Variants in ALKBH4 observed in about 807,000 individuals in gnomAD.
The protein encoded by ALKBH4 is alpha-ketoglutarate-dependent dioxygenase alkB homolog 4.
A neutral mutation model predicts 12.1 loss-of-function variants in ALKBH4; 8 were observed. That is an observed-to-expected ratio of 0.66 (90% CI 0.39 to 1.19). The LOEUF is 1.19. Ranked by LOEUF, ALKBH4 falls within the 50% of genes most tolerant of loss-of-function variation. The pLI, the probability that ALKBH4 is intolerant of heterozygous loss-of-function variation, is 0.01. For synonymous variants in ALKBH4, 195 were observed against 191.6 expected (o/e 1.02, Z -0.15); for missense variants, 403 against 430.4 (o/e 0.94, Z 0.56).
At chr7:102,459,418 C>T in intron 2 of ALKBH4, 186 bp downstream of exon 2, 2 of 642,214 alleles carry the variant, frequency 3.1e-6, no homozygotes, top group Non-Finnish European at 5.2e-6. Flanking sequence ...CCAGGTGCAC[C>T]TCTGCCCATC....
chr7:102,458,092 T>A, intron 2 of ALKBH4, 111 bp from the exon 3 acceptor site: 1 of 1,096,170 alleles, frequency 9.1e-7, no homozygotes, highest in Non-Finnish European at 1.3e-6. Context: ...AAAAGCCCCC[T>A]GGCTTCATGG....
rs1224166360 is a variant in ALKBH4, at chr7:102,456,267, G to A, written c.*1127C>T. 6.5e-6 allele frequency: 1 copy of A among 153,276 alleles called. No individual in the cohort carries two copies. The highest frequency in any genetic ancestry group is 1.5e-5 in the Non-Finnish European group (1 of 68,086). 9.5% of individuals were successfully genotyped at this position (153,276 alleles called of 1,614,324 possible). A position where few individuals can be genotyped will look rare whatever the true frequency, so the allele number is the denominator to read the frequency against. ...TTTGTTTTCCTTTTATTTATTTTAG[G>A]GACAGGGTCTTGCTCTGTTGCCAAG... On this transcript the variant is annotated 3_prime_UTR_variant, in exon 3 of 3. Coordinates refer to ENST00000292566, the MANE Select transcript of ALKBH4 (RefSeq NM_017621.4).
At position 102,457,375 on chromosome 7, in the gene ALKBH4, C is replaced by A. The variant is rs377564153; in HGVS notation, c.*19G>T. On this transcript the variant is annotated 3_prime_UTR_variant, in exon 3 of 3. Coordinates refer to ENST00000292566, the MANE Select transcript of ALKBH4 (RefSeq NM_017621.4). The surrounding 1 kb of genome is among the most constrained non-coding windows in gnomAD (Gnocchi z 5.9). ...ATTTCAATCCCGGGATCAGTCAAGTCTGGAGCCAAGGAGGCGGTTCACACG... is the reference window on the plus strand; with the variant it reads ...ATTTCAATCCCGGGATCAGTCAAGTATGGAGCCAAGGAGGCGGTTCACACG... 9 of 1,595,254 alleles carry A rather than the reference C, an allele frequency of 5.6e-6. No individual in the cohort carries two copies. Among genetic ancestry groups the A allele is most frequent in the Non-Finnish European group, 6.9e-6 (8 of 1,167,484 alleles).
At position 102,464,700 on chromosome 7, in the gene ALKBH4, C is replaced by G; in HGVS notation, c.123+14G>C. Reference sequence around the variant, plus strand: ...AGCGACGTTTGTGGGCGCGGCCCCTCTCCCACCCCTTACCGCTGGGGGCAG... The same window carrying G: ...AGCGACGTTTGTGGGCGCGGCCCCTGTCCCACCCCTTACCGCTGGGGGCAG... On this transcript the variant is annotated intron_variant, in intron 1 of 2. Transcript: ENST00000292566. 2.0e-6 allele frequency: 3 copies of G among 1,520,268 alleles called. No homozygotes were observed. The highest frequency in any genetic ancestry group is 1.2e-5 in the South Asian group (1 of 80,940). 94.2% of individuals were successfully genotyped at this position (1,520,268 alleles called of 1,614,324 possible).
intron 2 of ALKBH4, chr7:102,459,247 AG>A: frequency 5.8e-6 from 1 of 170,988 alleles, no homozygotes; most frequent in East Asian, 1.4e-4. Context: ...GGGCCCGGGG[AG>A]GGGGAAGGTG....
chr7:102,464,537 C>T (rs1461199887), intron 1 of ALKBH4, among the ~76,000 whole-genome samples, 177 bp downstream of exon 1: 3 of 152,166 alleles, frequency 2.0e-5, no homozygotes, highest in Non-Finnish European at 4.4e-5. Context: ...CACGTTCCAG[C>T]TCCTTCCCCA....
chr7:102,463,248 G>A (rs1490837223), intron 1 of ALKBH4, among the ~76,000 whole-genome samples: 2 of 151,096 alleles, frequency 1.3e-5, no homozygotes, highest in African/African-American at 4.9e-5. Context: ...ACTGTGCCCG[G>A]CCTGTCCTTC....
In ALKBH4 at chr7:102,457,380, G is replaced by A; in HGVS notation, c.*14C>T. ...AATCCCGGGATCAGTCAAGTCTGGA[G>A]CCAAGGAGGCGGTTCACACGGGTCT... On this transcript the variant is annotated 3_prime_UTR_variant, in exon 3 of 3. Transcript: ENST00000292566. This position sits in a 1 kb window ranked among gnomAD's most constrained non-coding sequence, Gnocchi z 5.9. 1 of 1,598,362 alleles carries A rather than the reference G, an allele frequency of 6.3e-7. No homozygotes were observed. Among genetic ancestry groups the A allele is most frequent in the Non-Finnish European group, 8.6e-7 (1 of 1,169,148 alleles).
In ALKBH4 at chr7:102,457,234, G is replaced by A; in HGVS notation, c.*160C>T. On this transcript the variant is annotated 3_prime_UTR_variant, in exon 3 of 3. Coordinates refer to ENST00000292566, the MANE Select transcript of ALKBH4 (RefSeq NM_017621.4). The surrounding 1 kb of genome is among the most constrained non-coding windows in gnomAD (Gnocchi z 5.9). ...CCAGGTGGAAGGGGGCTGCCTGGAG[G>A]TACGTTCCCATCAAAACCTGCTCCT... The A allele has an allele frequency of 2.6e-6, 2 of 782,500 alleles. No individual in the cohort carries two copies. Among genetic ancestry groups the A allele is most frequent in the South Asian group, 1.9e-5 (1 of 52,356 alleles). 48.5% of individuals were successfully genotyped at this position (782,500 alleles called of 1,614,324 possible).
chr7:102,458,657 G>A (rs1443785453), intron 2 of ALKBH4, among the ~76,000 whole-genome samples: 1 of 151,434 alleles, frequency 6.6e-6, no homozygotes, highest in Non-Finnish European at 1.5e-5. Flanking sequence ...AGGATCGCTA[G>A]AGCCTGGGGG....
intron 1 of ALKBH4, among the ~76,000 whole-genome samples, chr7:102,460,360 C>A (rs1385732343): frequency 1.3e-5 from 2 of 149,444 alleles, no homozygotes; most frequent in Non-Finnish European, 3.0e-5. Context: ...AGGAAAGACA[C>A]ATCCTGGAGC....
rs1325281403 is a variant in ALKBH4, at chr7:102,464,794, A to C, written c.43T>G (p.Cys15Gly). ...CAGGTCCGGATGCCCTTGCAACCGC[A>C]TTCCCGAAGGACTTCGGGGGTCTCG... is the stretch of plus-strand genomic sequence containing the variant. The part of the protein sequence containing the change: ...AAETPEVLRE[C>G]GCKGIRTCLI... The change falls in exon 1 of 3, where the codon TGC (cysteine) becomes GGC (glycine). Residue 15 changes from cysteine to glycine, a missense_variant. Coordinates refer to ENST00000292566, the MANE Select transcript of ALKBH4 (RefSeq NM_017621.4). 1.9e-6 allele frequency: 3 copies of C among 1,566,756 alleles called. No individual in the cohort carries two copies. Among genetic ancestry groups the C allele is most frequent in the Non-Finnish European group, 2.6e-6 (3 of 1,160,938 alleles).
At chr7:102,459,466 C>G (rs1797742716) in intron 2 of ALKBH4, 138 bp downstream of exon 2, 2 of 1,099,206 alleles carry the variant, frequency 1.8e-6, no homozygotes, top group East Asian at 4.9e-5. Context: ...TGCCCACAGC[C>G]CCAAGGTCTG....
rs756909709 is a variant in ALKBH4, at chr7:102,457,512, C to T, written c.791G>A (p.Arg264His). ...HAIHRRHIEA[R>H]RVCVTFRELS... Reference sequence around the variant, plus strand: ...CTCCCGGAAAGTGACGCAGACGCGGCGGGCCTCGATGTGTCTGCGGTGGAT... The same window carrying T: ...CTCCCGGAAAGTGACGCAGACGCGGTGGGCCTCGATGTGTCTGCGGTGGAT... The change falls in exon 3 of 3, where the codon CGC becomes CAC. Residue 264 changes from arginine (R) to histidine (H), a missense_variant. Transcript: ENST00000292566. The surrounding 1 kb of genome is among the most constrained non-coding windows in gnomAD (Gnocchi z 5.9). 4.3e-6 allele frequency: 7 copies of T among 1,613,004 alleles called. No individual in the cohort carries two copies. The East Asian group carries it at 6.7e-5, about 15-fold the overall frequency.
intron 1 of ALKBH4, 106 bp downstream of exon 1, chr7:102,464,608 G>GTCCCT (rs1218974966): frequency 6.4e-6 from 9 of 1,402,484 alleles, no homozygotes; most frequent in Non-Finnish European, 8.4e-6. Context: ...TACCGTAAGG[G>GTCCCT]TCCCTCACAG....
chr7:102,459,809 A>G lies in ALKBH4; in HGVS notation c.124-8T>C. ...AATGAAACGGTATGTTTTCTGCAAA[A>G]GAAACACAAGTCCACAGGCTGGGCA... On this transcript the variant is annotated splice_region_variant and splice_polypyrimidine_tract_variant and intron_variant, in intron 1 of 2. Coordinates refer to ENST00000292566, the MANE Select transcript of ALKBH4 (RefSeq NM_017621.4). 1 of 1,583,298 alleles carries G rather than the reference A, an allele frequency of 6.3e-7. No homozygotes were observed. The highest frequency in any genetic ancestry group is 1.2e-5 in the South Asian group (1 of 86,690).
rs1301110034 is a variant in ALKBH4, at chr7:102,456,738, C to A, written c.*656G>T. 2 of 152,186 alleles carry A rather than the reference C, an allele frequency of 1.3e-5. No individual in the cohort carries two copies. Among genetic ancestry groups the A allele is most frequent in the African/African-American group, 4.8e-5 (2 of 41,442 alleles). The allele number at this position is 152,186 out of a possible 1,614,324, so 9.4% of individuals were successfully genotyped here. On this transcript the variant is annotated 3_prime_UTR_variant, in exon 3 of 3. Coordinates refer to ENST00000292566, the MANE Select transcript of ALKBH4 (RefSeq NM_017621.4). ...TCTTCAACCCTGTTCCCTAATCCAA[C>A]ACATTCCCCAAATGAAGGGACTGGA...
At position 102,459,901 on chromosome 7, in the gene ALKBH4, TC is replaced by T. The variant is rs1326614809; in HGVS notation, c.124-101del. On this transcript the variant is annotated intron_variant, in intron 1 of 2. Transcript: ENST00000292566. ...AGGTGCGGTGGCTCACGCCTGTAAT[TC>T]CAGCACTTTGGGAGGCCGAGGTGGG... 2.6e-6 allele frequency: 3 copies of T among 1,169,246 alleles called. No individual in the cohort carries two copies. The East Asian group carries it at 8.0e-5, about 31-fold the overall frequency. The allele number at this position is 1,169,246 out of a possible 1,614,324, so 72.4% of individuals were successfully genotyped here.
chr7:102,460,132 C>T (rs113983663), intron 1 of ALKBH4, among the ~76,000 whole-genome samples: 9,212 of 147,046 alleles, frequency 0.063, 327 homozygotes, highest in Non-Finnish European at 0.075. Flanking sequence ...CCAGCCTGGG[C>T]GACAGAGTGA....
Sources: gnomAD v4.1 joint callset for allele counts (sites outside exome capture counted in the v4.1 genomes callset) on GRCh38, gnomAD v4.1.1 for gene constraint, Gnocchi (gnomAD v3.1) non-coding constraint, MANE v1.5 for transcripts, NCBI Gene and HGNC (gene_info 2026-07-23, HGNC 2026-07-21) for gene names.